RIOK1: variants seen among roughly 807,000 people sequenced by gnomAD.
RIOK1 encodes the protein serine/threonine-protein kinase RIO1.
Under a neutral mutation model 73.5 loss-of-function variants are expected in RIOK1, and 66 were observed. The observed-to-expected ratio is 0.90, with a 90% CI of 0.74 to 1.10. The LOEUF (loss-of-function observed/expected upper bound fraction) is 1.10, where lower values mean the gene tolerates loss of function less well. RIOK1 is among the 50% of genes least tolerant of loss of function. The pLI, the probability that RIOK1 is intolerant of heterozygous loss-of-function variation, is 0.00. For synonymous variants in RIOK1, 224 were observed against 226.8 expected, an observed-to-expected ratio of 0.99 and a Z score of 0.11; for missense variants, 658 against 699.8, an observed-to-expected ratio of 0.94 and a Z score of 0.67.
intron 5 of RIOK1, 111 bp from the exon 6 acceptor site, chr6:7,400,847 C>G: frequency 1.6e-6 from 1 of 610,498 alleles, no homozygotes; most frequent in Non-Finnish European, 2.9e-6. Context: ...TTTAGTCAAC[C>G]AGGATAGCGT....
chr6:7,405,106 C>T, intron 11 of RIOK1, 85 bp downstream of exon 11: 1 of 1,262,014 alleles, frequency 7.9e-7, no homozygotes, highest in Admixed American at 1.9e-5. Context: ...AAAATTTTCT[C>T]ACTAAATTGT....
intron 13 of RIOK1, 89 bp from the exon 14 acceptor site, chr6:7,411,243 A>C: frequency 1.4e-6 from 2 of 1,391,580 alleles, no homozygotes; most frequent in Non-Finnish European, 2.0e-6. Context: ...GAATATATAG[A>C]TTCCCCTGTA....
intron 15 of RIOK1, among the ~76,000 whole-genome samples, chr6:7,413,994 A>T (rs1761943087): frequency 1.3e-5 from 2 of 152,216 alleles, no homozygotes; most frequent in South Asian, 4.1e-4. Flanking sequence ...TTGTTGATCT[A>T]GGTCACGCAG....
At chr6:7,415,514 C>A (rs1010846168) in intron 16 of RIOK1, among the ~76,000 whole-genome samples, 1 of 152,174 alleles carries the variant, frequency 6.6e-6, no homozygotes, top group African/African-American at 2.4e-5. Context: ...GCTGTCTCAC[C>A]CCAAACTGCA....
At chr6:7,392,040 G>C (rs960871214) in intron 1 of RIOK1, among the ~76,000 whole-genome samples, 1 of 151,952 alleles carries the variant, frequency 6.6e-6, no homozygotes, top group African/African-American at 2.4e-5. Flanking sequence ...CTTTTTTATG[G>C]TTTCTGTCCT....
chr6:7,411,666 A>G, intron 14 of RIOK1: 1 of 472,558 alleles, frequency 2.1e-6, no homozygotes, highest in Non-Finnish European at 3.8e-6. Context: ...GAATGAATCC[A>G]ACAAGCTGTA....
intron 3 of RIOK1, 65 bp from the exon 4 acceptor site, chr6:7,396,638 C>A: frequency 1.1e-6 from 1 of 918,130 alleles, no homozygotes; most frequent in South Asian, 1.5e-5. Context: ...ATACCCTGTT[C>A]AGCAACTCTG....
At position 7,414,378 on chromosome 6, in the gene RIOK1, C is replaced by G. The variant is rs1278646019; in HGVS notation, c.1584C>G (p.Asp528Glu). The change falls in exon 16 of 17, where the codon GAC becomes GAG. Residue 528 changes from aspartate to glutamate, a missense_variant. Physicochemically the swap from Asp to Glu is conservative, Grantham distance 45. Transcript: ENST00000379834. ...CCAAGAAACACACCACGGACCCTGA[C>G]ATTGATAAAAAAGTAAGCAATGAAA... ...ARPKKHTTDP[D>E]IDKKERKKMV... is the part of the protein sequence containing the mutation. The G allele has an allele frequency of 6.2e-7, 1 of 1,601,596 alleles. No individual in the cohort carries two copies.
In RIOK1 at chr6:7,411,115, A is replaced by G. The variant is rs17673218; in HGVS notation, c.1270-217A>G. Among the ~76,000 whole-genome samples the G allele has an allele frequency of 4.2e-3, 640 of 152,304 alleles. 5 individuals carry two copies. The highest frequency in any genetic ancestry group is 6.4e-3 in the Non-Finnish European group (434 of 68,020). Reference sequence around the variant, plus strand: ...TGTTTTTTTTCCCTTCCTTAAAATAAATCATATGCAAAATTTAGTGTTCTA... The same window carrying G: ...TGTTTTTTTTCCCTTCCTTAAAATAGATCATATGCAAAATTTAGTGTTCTA... On this transcript the variant is annotated intron_variant, in intron 13 of 16. Coordinates refer to ENST00000379834, the MANE Select transcript of RIOK1 (RefSeq NM_031480.3).
Position 7,393,305 on chromosome 6 carries a change from TA to T in RIOK1, c.276+3del. On this transcript the variant is annotated splice_donor_region_variant and intron_variant, in intron 2 of 16. Coordinates refer to ENST00000379834, the MANE Select transcript of RIOK1 (RefSeq NM_031480.3). ...TGGAATGGAGGAAGCAACCCACAGG[TA>T]TTTTATAAAGGATCCTGCACATCTT... The T allele has an allele frequency of 6.2e-7, 1 of 1,613,588 alleles. No individual in the cohort carries two copies. The highest frequency in any genetic ancestry group is 8.5e-7 in the Non-Finnish European group (1 of 1,179,522).
intron 2 of RIOK1, 86 bp downstream of exon 2, chr6:7,393,389 A>G (rs917043283): frequency 9.1e-7 from 1 of 1,103,852 alleles, no homozygotes; most frequent in South Asian, 1.3e-5. Context: ...CTGAAATTGA[A>G]TAACTAAAAG....
At chr6:7,403,266 A>G (rs1385452762) in intron 8 of RIOK1, among the ~76,000 whole-genome samples, 1 of 152,222 alleles carries the variant, frequency 6.6e-6, no homozygotes, top group Non-Finnish European at 1.5e-5. Flanking sequence ...GATGGTTATA[A>G]TGCTCTGTCA....
chr6:7,412,674 C>T (rs1761915601), intron 14 of RIOK1, among the ~76,000 whole-genome samples: 1 of 151,260 alleles, frequency 6.6e-6, no homozygotes, highest in South Asian at 2.1e-4. Context: ...AAACAACTAC[C>T]AGGTGGCTGG....
intron 13 of RIOK1, among the ~76,000 whole-genome samples, chr6:7,410,652 C>G (rs1761864096): frequency 6.6e-6 from 1 of 152,126 alleles, no homozygotes; most frequent in South Asian, 2.1e-4. Context: ...TTGGTCCACT[C>G]AGCAACCTGT....
Position 7,401,901 on chromosome 6 carries a change from A to G in RIOK1, c.574-702A>G, listed in dbSNP as rs140591302. 7.1e-3 allele frequency among the ~76,000 whole-genome samples: 1,084 copies of G among 152,052 alleles called. 6 individuals are homozygous for G. The highest frequency in any genetic ancestry group is 0.065 in the Middle Eastern group (19 of 292). ...GCCATGTTGACCAGGCTGGTCTCAAATTTTTGGCCTGAAGTGATTCACCCG... is the reference window on the plus strand; with the variant it reads ...GCCATGTTGACCAGGCTGGTCTCAAGTTTTTGGCCTGAAGTGATTCACCCG... On this transcript the variant is annotated intron_variant, in intron 6 of 16. Coordinates refer to ENST00000379834, the MANE Select transcript of RIOK1 (RefSeq NM_031480.3).
In RIOK1 at chr6:7,389,973, A is replaced by G. The variant is rs1761284896; in HGVS notation, c.-30A>G. ...TCTGAGCCGTTCCTTTCCATCGCAGAGCGGCGGCCTCCGGCGGCGCTCTCC... is the reference window on the plus strand; with the variant it reads ...TCTGAGCCGTTCCTTTCCATCGCAGGGCGGCGGCCTCCGGCGGCGCTCTCC... On this transcript the variant is annotated 5_prime_UTR_variant, in exon 1 of 17. Coordinates refer to ENST00000379834, the MANE Select transcript of RIOK1 (RefSeq NM_031480.3). 1.3e-6 allele frequency: 2 copies of G among 1,541,072 alleles called. No individual in the cohort carries two copies. Among genetic ancestry groups the G allele is most frequent in the Non-Finnish European group, 1.8e-6 (2 of 1,139,310 alleles).
At chr6:7,392,582 C>T (rs566791068) in intron 1 of RIOK1, among the ~76,000 whole-genome samples, 137 of 151,296 alleles carry the variant, frequency 9.1e-4, no homozygotes, top group Non-Finnish European at 1.9e-3. Flanking sequence ...TACAGTGGCA[C>T]GATCATGACT....
chr6:7,404,936 G>A lies in RIOK1; in HGVS notation c.1011G>A (p.Val337=), dbSNP rs1284970225. 14 of 1,613,950 alleles carry A rather than the reference G, an allele frequency of 8.7e-6. No individual in the cohort carries two copies. The highest frequency in any genetic ancestry group is 1.2e-5 in the Non-Finnish European group (14 of 1,179,860). The change falls in exon 11 of 17, where the codon GTG becomes GTA. Residue 337 remains valine, a synonymous_variant. Transcript: ENST00000379834. ...CCCATAGGTACCACGGTGGAGGCGT[G>A]TATATCATTGACGTGTCTCAGTCCG... is the stretch of plus-strand genomic sequence containing the variant. ...EFNMLYHGGG[V]YIIDVSQSVE...
At chr6:7,403,316 G>A (rs1332545422) in intron 8 of RIOK1, among the ~76,000 whole-genome samples, 1 of 152,162 alleles carries the variant, frequency 6.6e-6, no homozygotes, top group Non-Finnish European at 1.5e-5. Context: ...AATCTTGTTA[G>A]GTCGTGAACT....
Sources: gnomAD v4.1 joint callset for allele counts (sites outside exome capture counted in the v4.1 genomes callset) on GRCh38, gnomAD v4.1.1 for gene constraint, MANE v1.5 for transcripts, NCBI Gene and HGNC (gene_info 2026-07-23, HGNC 2026-07-21) for gene names.